Variants in FAM90A1 observed in about 807,000 individuals in gnomAD.
FAM90A1 encodes the protein protein FAM90A1.
FAM90A1 carries 10 observed loss-of-function variants against 14.8 expected under a neutral mutation model. The observed-to-expected ratio is 0.67, with a 90% confidence interval of 0.42 to 1.14. The LOEUF is 1.14. Ranked by LOEUF, FAM90A1 falls within the 50% of genes most tolerant of loss-of-function variation. FAM90A1 has a pLI of 0.00. For missense variants in FAM90A1, 567 were observed against 602.8 expected, an observed-to-expected ratio of 0.94 and a Z score of 0.62; for synonymous variants, 236 against 248.4, an observed-to-expected ratio of 0.95 and a Z score of 0.47.
In FAM90A1 at chr12:8,224,767, C is replaced by T. The variant is rs778435887; in HGVS notation, c.66G>A (p.Lys22=). Residue 22 remains lysine, a synonymous_variant, in exon 4 of 7, where the codon AAG becomes AAA. Transcript: ENST00000538603. ...TTGGCCCAACTGGGGCCCTCCGCTG[C>T]TTCTGGAGGGTCTGGGCTCTCACCA... is the stretch of plus-strand genomic sequence containing the variant. ...KRLVRAQTLQ[K]QRRAPVGPRA... is the part of the protein sequence containing the mutation. The T allele has an allele frequency of 1.8e-5, 29 of 1,602,814 alleles. No homozygotes were observed. Among genetic ancestry groups the T allele is most frequent in the South Asian group, 2.2e-5 (2 of 90,718 alleles).
Position 8,225,985 on chromosome 12 carries a change from C to T in FAM90A1, c.-206G>A, listed in dbSNP as rs1948934893. 6.6e-6 allele frequency: 1 copy of T among 152,198 alleles called. No homozygotes were observed. Among genetic ancestry groups the T allele is most frequent in the African/African-American group, 2.4e-5 (1 of 41,416 alleles). 9.4% of individuals were successfully genotyped at this position (152,198 alleles called of 1,614,324 possible). On this transcript the variant is annotated 5_prime_UTR_variant, in exon 3 of 7. Coordinates refer to ENST00000538603, the MANE Select transcript of FAM90A1 (RefSeq NM_018088.3). ...TTCCAGGCTGCCTTTTATACTGCCT[C>T]TGGTCACCTGACGTGGAACGTACCC...
chr12:8,227,462 T>G lies in FAM90A1; in HGVS notation c.-421+18A>C, dbSNP rs1435113300. ...TGGGTCCACCCAGTGGGCGGTCGGGTGCCAGGCCAGTGCTTACCCCGCCAT... is the reference window on the plus strand; with the variant it reads ...TGGGTCCACCCAGTGGGCGGTCGGGGGCCAGGCCAGTGCTTACCCCGCCAT... On this transcript the variant is annotated intron_variant, in intron 1 of 6. Coordinates refer to ENST00000538603, the MANE Select transcript of FAM90A1 (RefSeq NM_018088.3). The G allele has an allele frequency of 3.5e-6, 2 of 577,910 alleles. No individual in the cohort carries two copies. The highest frequency in any genetic ancestry group is 4.2e-5 in the South Asian group (2 of 47,228). 35.8% of individuals were successfully genotyped at this position (577,910 alleles called of 1,614,324 possible). A position where few individuals can be genotyped will look rare whatever the true frequency, so the allele number is the denominator to read the frequency against.
chr12:8,222,406 G>A lies in FAM90A1; in HGVS notation c.811C>T (p.Pro271Ser). ...KRPAVTSQPC[P>S]PAATHSLGLG... Reference sequence around the variant, plus strand: ...CCCAAGCTGTGTGTGGCGGCTGGTGGGCAGGGCTGTGAGGTCACCGCAGGA... The same window carrying A: ...CCCAAGCTGTGTGTGGCGGCTGGTGAGCAGGGCTGTGAGGTCACCGCAGGA... Residue 271 changes from proline to serine, a missense_variant, in exon 7 of 7, where the codon CCA (proline) becomes TCA (serine). Physicochemically the swap from Pro to Ser is moderately conservative, Grantham distance 74 (BLOSUM62 -1). Transcript: ENST00000538603. 1.2e-6 allele frequency: 2 copies of A among 1,611,638 alleles called. No individual in the cohort carries two copies. Among genetic ancestry groups the A allele is most frequent in the Non-Finnish European group, 8.5e-7 (1 of 1,179,784 alleles).
At position 8,222,593 on chromosome 12, in the gene FAM90A1, G is replaced by A. The variant is rs769713157; in HGVS notation, c.624C>T (p.Ala208=). 8 of 1,611,872 alleles carry A rather than the reference G, an allele frequency of 5.0e-6. No individual in the cohort carries two copies. The highest frequency in any genetic ancestry group is 4.0e-5 in the African/African-American group (3 of 74,840). Residue 208 remains alanine, a synonymous_variant, in exon 7 of 7, where the codon GCC becomes GCT. Transcript: ENST00000538603. Reference sequence around the variant, plus strand: ...GCCTGACTGCAGTCTGAGGGATGTCGGCCGCAGCCCCTGTCTGTCTTTCCT... The same window carrying A: ...GCCTGACTGCAGTCTGAGGGATGTCAGCCGCAGCCCCTGTCTGTCTTTCCT... ...GPKERQTGAA[A]DIPQTAVRHQ... is the part of the protein sequence containing the mutation.
In FAM90A1 at chr12:8,222,605, T is replaced by C. The variant is rs773955004; in HGVS notation, c.612A>G (p.Thr204=). The C allele has an allele frequency of 3.1e-6, 5 of 1,611,976 alleles. No homozygotes were observed. In the Admixed American group the frequency reaches 6.7e-5, roughly 21 times the overall value. ...SSSLGPKERQ[T]GAAADIPQTA... ...TCTGAGGGATGTCGGCCGCAGCCCCTGTCTGTCTTTCCTTTGGTCCAAGAC... is the reference window on the plus strand; with the variant it reads ...TCTGAGGGATGTCGGCCGCAGCCCCCGTCTGTCTTTCCTTTGGTCCAAGAC... Residue 204 remains threonine (T), a synonymous_variant, in exon 7 of 7, where the codon ACA becomes ACG. Coordinates refer to ENST00000538603, the MANE Select transcript of FAM90A1 (RefSeq NM_018088.3).
chr12:8,227,404 T>A, intron 1 of FAM90A1, 76 bp downstream of exon 1: 1 of 410,468 alleles, frequency 2.4e-6, no homozygotes, highest in Non-Finnish European at 4.4e-6. Context: ...GCGGGAGTCC[T>A]CGTGTCCCCT....
rs1185604239 is a variant in FAM90A1, at chr12:8,224,594, G to C, written c.123+116C>G. On this transcript the variant is annotated intron_variant, in intron 4 of 6. Coordinates refer to ENST00000538603, the MANE Select transcript of FAM90A1 (RefSeq NM_018088.3). ...CCACCTTGGATGGGAAAAGCAACCT[G>C]GGTGGTGGTGACAGAACTCTTTGGA... The C allele has an allele frequency of 8.9e-6, 8 of 901,778 alleles. No individual in the cohort carries two copies. The Admixed American group carries it at 1.8e-4, about 20-fold the overall frequency. 55.9% of individuals were successfully genotyped at this position (901,778 alleles called of 1,614,324 possible).
rs1425565977 is a variant in FAM90A1 at position 8,226,005 on chromosome 12, G to T, written c.-213-13C>A. The T allele has an allele frequency of 1.3e-5, 2 of 152,122 alleles. No individual in the cohort carries two copies. Among genetic ancestry groups the T allele is most frequent in the African/African-American group, 4.8e-5 (2 of 41,416 alleles). The allele number at this position is 152,122 out of a possible 1,614,324, so 9.4% of individuals were successfully genotyped here. On this transcript the variant is annotated splice_polypyrimidine_tract_variant and intron_variant, in intron 2 of 6. Transcript: ENST00000538603. ...TGCCTCTGGTCACCTGACGTGGAAC[G>T]TACCCTAACCTAATCAGTTACATGT...
chr12:8,221,687 A>G lies in FAM90A1; in HGVS notation c.*135T>C. 2.0e-6 allele frequency: 2 copies of G among 1,018,310 alleles called. No homozygotes were observed. Among genetic ancestry groups the G allele is most frequent in the Non-Finnish European group, 2.9e-6 (2 of 692,630 alleles). 63.1% of individuals were successfully genotyped at this position (1,018,310 alleles called of 1,614,324 possible). Reference sequence around the variant, plus strand: ...CTCCCTGCCTGGCCTGGGCTCCCACATCCACAGAAGGGCCACAGCCGGGGA... The same window carrying G: ...CTCCCTGCCTGGCCTGGGCTCCCACGTCCACAGAAGGGCCACAGCCGGGGA... On this transcript the variant is annotated 3_prime_UTR_variant, in exon 7 of 7. Coordinates refer to ENST00000538603, the MANE Select transcript of FAM90A1 (RefSeq NM_018088.3).
At chr12:8,224,998 C>T in intron 3 of FAM90A1, 110 bp from the exon 4 acceptor site, 2 of 748,358 alleles carry the variant, frequency 2.7e-6, no homozygotes, top group Non-Finnish European at 4.4e-6. Flanking sequence ...GAGGAGACCT[C>T]ACCACCAGTC....
Position 8,225,865 on chromosome 12 carries a change from G to A in FAM90A1, c.-86C>T, listed in dbSNP as rs1476861586. The A allele has an allele frequency of 6.6e-5, 10 of 152,112 alleles. No individual in the cohort carries two copies. The highest frequency in any genetic ancestry group is 2.0e-4 in the Admixed American group (3 of 15,276). The allele number at this position is 152,112 out of a possible 1,614,324, so 9.4% of individuals were successfully genotyped here. ...AATTACACGTCTACTTTCTTTCCCC[G>A]GCTGGCGCTGAGATGGGCAGGTGCT... On this transcript the variant is annotated 5_prime_UTR_variant, in exon 3 of 7. Coordinates refer to ENST00000538603, the MANE Select transcript of FAM90A1 (RefSeq NM_018088.3).
At chr12:8,227,406 G>A (rs1205968841) in intron 1 of FAM90A1, 74 bp downstream of exon 1, 2 of 414,014 alleles carry the variant, frequency 4.8e-6, no homozygotes, top group Non-Finnish European at 8.8e-6. Context: ...GGGAGTCCTC[G>A]TGTCCCCTGC....
At chr12:8,227,430 A>G in intron 1 of FAM90A1, 50 bp downstream of exon 1, 1 of 485,860 alleles carries the variant, frequency 2.1e-6, no homozygotes, top group East Asian at 4.0e-5. Flanking sequence ...CAACACAGAC[A>G]GAAGGCTGGG....
rs773691501 is a variant in FAM90A1 at position 8,222,704 on chromosome 12, G to A, written c.513C>T (p.Thr171=). 1.1e-5 allele frequency: 18 copies of A among 1,607,760 alleles called. No homozygotes were observed. Among genetic ancestry groups the A allele is most frequent in the South Asian group, 7.7e-5 (7 of 91,000 alleles). Reference sequence around the variant, plus strand: ...AGACGGAGCCCCTGTCAGACATTTCGGTAGCTGAGCGATCAGAGAGGACAG... The same window carrying A: ...AGACGGAGCCCCTGTCAGACATTTCAGTAGCTGAGCGATCAGAGAGGACAG... ...VDPVLSDRSA[T]EMSDRGSVLA... is the part of the protein sequence containing the mutation. Residue 171 remains threonine, a synonymous_variant, in exon 7 of 7, where the codon ACC becomes ACT. Coordinates refer to ENST00000538603, the MANE Select transcript of FAM90A1 (RefSeq NM_018088.3).
chr12:8,226,868 T>C (rs895424545), intron 1 of FAM90A1, among the ~76,000 whole-genome samples: 20 of 145,472 alleles, frequency 1.4e-4, no homozygotes, highest in African/African-American at 4.9e-4. Context: ...TGCAGTGGTG[T>C]GATCTCAGCT....
Position 8,224,211 on chromosome 12 carries a change from T to A in FAM90A1, c.128A>T (p.Lys43Met). ...GCCAAAGGCCTCACAGTTTTTGCAC[T>A]TGAGCTGTGGGTGGAAAGGAAGTGA... The part of the protein sequence containing the change: ...PPPDEEDPRL[K>M]CKNCEAFGHT... Residue 43 changes from lysine (K) to methionine (M), a missense_variant, in exon 5 of 7, where the codon AAG (lysine) becomes ATG (methionine). Physicochemically the swap from Lys to Met is moderately conservative, Grantham distance 95. Transcript: ENST00000538603. 1 of 1,611,708 alleles carries A rather than the reference T, an allele frequency of 6.2e-7. No homozygotes were observed. Among genetic ancestry groups the A allele is most frequent in the Non-Finnish European group, 8.5e-7 (1 of 1,179,622 alleles).
intron 5 of FAM90A1, 99 bp downstream of exon 5, chr12:8,223,917 G>A (rs1049506207): frequency 6.6e-6 from 8 of 1,214,278 alleles, no homozygotes; most frequent in Non-Finnish European, 9.5e-6. Flanking sequence ...TTCCTTCCCT[G>A]GCCCGGAGAC....
Position 8,223,475 on chromosome 12 carries a change from A to T in FAM90A1, c.406T>A (p.Ser136Thr), listed in dbSNP as rs765152249. The T allele has an allele frequency of 4.9e-5, 79 of 1,609,028 alleles. No homozygotes were observed. The highest frequency in any genetic ancestry group is 6.5e-5 in the Non-Finnish European group (77 of 1,177,250). ...PEKPLPNQKGSTESSDYLRVA... is the reference protein window; with the variant it reads ...PEKPLPNQKGTTESSDYLRVA... ...CTCAGATAATCAGAAGATTCCGTGG[A>T]TCCTTTTTGATTTGGCAGCGGCTTC... Residue 136 changes from serine to threonine, a missense_variant, in exon 6 of 7, where the codon TCC becomes ACC. Ser to Thr is a moderately conservative substitution (Grantham distance 58, BLOSUM62 1). Transcript: ENST00000538603.
chr12:8,222,316 A>G lies in FAM90A1; in HGVS notation c.901T>C (p.Cys301Arg), dbSNP rs1199798373. The G allele has an allele frequency of 1.2e-6, 2 of 1,611,492 alleles. No homozygotes were observed. The highest frequency in any genetic ancestry group is 1.7e-6 in the Non-Finnish European group (2 of 1,179,912). Reference sequence around the variant, plus strand: ...CTCGGTTTCTTGGGGAAGTTCAGGCAAGCCTGAATCGGAGCCGGGGCAGAT... The same window carrying G: ...CTCGGTTTCTTGGGGAAGTTCAGGCGAGCCTGAATCGGAGCCGGGGCAGAT... ...KRSAPAPIQACLNFPKKPRLG... is the reference protein window; with the variant it reads ...KRSAPAPIQARLNFPKKPRLG... The change falls in exon 7 of 7, where the codon TGC becomes CGC. Residue 301 changes from cysteine to arginine, a missense_variant. Transcript: ENST00000538603.
Sources: gnomAD v4.1 joint callset for allele counts (sites outside exome capture counted in the v4.1 genomes callset) on GRCh38, gnomAD v4.1.1 for gene constraint, MANE v1.5 for transcripts, NCBI Gene and HGNC (gene_info 2026-07-23, HGNC 2026-07-21) for gene names.